The following NRXN3 variants were observed in gnomAD, a reference collection of about 807,000 sequenced individuals.
NRXN3 encodes neurexin III.
In NRXN3, 32 loss-of-function variants were observed where a neutral mutation model predicts 137.6. The observed-to-expected ratio is 0.23, with a 90% CI of 0.18 to 0.31. The LOEUF (loss-of-function observed/expected upper bound fraction) is 0.31. Among genes scored for constraint, NRXN3 ranks in the 10% least tolerant of loss-of-function variants. NRXN3 has a pLI of 1.00. For missense variants in NRXN3, 1,574 were observed against 2,062.5 expected, an observed-to-expected ratio of 0.76 and a Z score of 4.59; for synonymous variants, 798 against 784.5, an observed-to-expected ratio of 1.02 and a Z score of -0.29.
rs33953818 is a variant in NRXN3, at chr14:79,018,337, T to TA, written c.3262+30205dup. On this transcript the variant is annotated intron_variant, in intron 15 of 20. Coordinates refer to ENST00000335750, the MANE Select transcript of NRXN3 (RefSeq NM_001330195.2). ...GAGTGAAAGTTATAAATGAAAACAA[T>TA]AAAAAAAAATCCAAGAAACTCAAGG... 2.5e-4 allele frequency among the ~76,000 whole-genome samples: 28 copies of TA among 111,610 alleles called. No individual in the cohort carries two copies. The South Asian group carries it at 5.0e-3, about 20-fold the overall frequency. 73.2% of individuals were successfully genotyped at this position (111,610 alleles called of 152,430 possible). A position where few individuals can be genotyped will look rare whatever the true frequency, so the allele number is the denominator to read the frequency against.
Position 79,190,468 on chromosome 14 carries a change from G to T in NRXN3, c.3262+202327G>T, listed in dbSNP as rs1257810365. ...TTTCTAAATGCAGAATCAGCCACTG[G>T]TCATTTTTAATGGACACGTAGTGGT... On this transcript the variant is annotated intron_variant, in intron 15 of 20. Coordinates refer to ENST00000335750, the MANE Select transcript of NRXN3 (RefSeq NM_001330195.2). Among the ~76,000 whole-genome samples, 7 of 152,188 alleles carry T rather than the reference G, an allele frequency of 4.6e-5. 1 individual carries two copies. The East Asian group carries it at 1.4e-3, about 29-fold the overall frequency.
intron 15 of NRXN3, among the ~76,000 whole-genome samples, chr14:79,139,760 G>A (rs1249958642): frequency 6.6e-6 from 1 of 151,730 alleles, no homozygotes; most frequent in Non-Finnish European, 1.5e-5. Flanking sequence ...ACATAAATCT[G>A]ACTCACCTTC....
intron 10 of NRXN3, among the ~76,000 whole-genome samples, chr14:78,946,247 C>A (rs951048003): frequency 6.6e-6 from 1 of 152,118 alleles, no homozygotes; most frequent in African/African-American, 2.4e-5. Context: ...AATGTACCTT[C>A]CAAGGAAAGT....
chr14:79,789,484 A>C, intron 19 of NRXN3, among the ~76,000 whole-genome samples: 1 of 152,128 alleles, frequency 6.6e-6, no homozygotes, highest in East Asian at 1.9e-4. Context: ...TAAAGGAATA[A>C]AAGATTGGCT....
At chr14:78,440,110 G>T (rs1026843746) in intron 4 of NRXN3, among the ~76,000 whole-genome samples, 2 of 152,256 alleles carry the variant, frequency 1.3e-5, no homozygotes, top group African/African-American at 4.8e-5. Context: ...TGCTTTTATT[G>T]TTAAATAATA....
At chr14:78,421,127 G>C (rs924891174) in intron 4 of NRXN3, among the ~76,000 whole-genome samples, 3 of 152,110 alleles carry the variant, frequency 2.0e-5, no homozygotes, top group Non-Finnish European at 4.4e-5. Context: ...GCTGGGTGTG[G>C]TGGCATGTGC....
chr14:79,748,027 C>T (rs1206566780), intron 19 of NRXN3, among the ~76,000 whole-genome samples: 1 of 151,862 alleles, frequency 6.6e-6, no homozygotes. Context: ...AGGGGAATAA[C>T]ACACATTGGG....
At chr14:78,188,287 T>A (rs781449374) in intron 1 of NRXN3, among the ~76,000 whole-genome samples, 3 of 152,158 alleles carry the variant, frequency 2.0e-5, no homozygotes, top group Admixed American at 6.6e-5. Context: ...TTGATCAAGA[T>A]CCCACAGTGT....
chr14:78,243,280 C>A lies in NRXN3; in HGVS notation c.187C>A (p.Leu63Met), dbSNP rs1186202719. ...FQFKTNVSTG[L>M]LLYLDDGGVC... ...GTTCAAGACCAACGTCTCTACGGGG[C>A]TGCTCCTCTACCTGGATGATGGCGG... Residue 63 changes from leucine (L) to methionine (M), a missense_variant, in exon 2 of 21, where the codon CTG becomes ATG. Transcript: ENST00000335750. This position sits in a 1 kb window ranked among gnomAD's most constrained non-coding sequence, Gnocchi z 4.2. 1.3e-6 allele frequency: 2 copies of A among 1,561,798 alleles called. No homozygotes were observed. Among genetic ancestry groups the A allele is most frequent in the East Asian group, 4.7e-5 (2 of 42,868 alleles).
chr14:79,840,986 C>G (rs2099354708), intron 20 of NRXN3, among the ~76,000 whole-genome samples: 1 of 152,126 alleles, frequency 6.6e-6, no homozygotes, highest in Non-Finnish European at 1.5e-5. Context: ...TCAAAGCTTC[C>G]TCCCTTATCT....
intron 20 of NRXN3, among the ~76,000 whole-genome samples, chr14:79,821,674 T>TA (rs1449522082): frequency 1.3e-5 from 2 of 151,272 alleles, no homozygotes; most frequent in African/African-American, 4.9e-5. Flanking sequence ...AGACCTTTTT[T>TA]TTTTTTTTTT....
intron 6 of NRXN3, among the ~76,000 whole-genome samples, chr14:78,655,526 T>A (rs2097777777): frequency 1.3e-5 from 2 of 152,144 alleles, no homozygotes; most frequent in Non-Finnish European, 2.9e-5. Flanking sequence ...AATGATGACT[T>A]TGTTTTTTGC....
At chr14:79,550,121 C>T (rs1367830771) in intron 16 of NRXN3, among the ~76,000 whole-genome samples, 25 of 151,974 alleles carry the variant, frequency 1.6e-4, no homozygotes, top group Admixed American at 1.6e-3. Flanking sequence ...ATGCACACCC[C>T]ACCACACCAA....
intron 4 of NRXN3, among the ~76,000 whole-genome samples, chr14:78,584,229 T>C (rs1271627224): frequency 6.6e-6 from 1 of 152,118 alleles, no homozygotes; most frequent in Non-Finnish European, 1.5e-5. Context: ...TTTGTAGAGA[T>C]TGTTGAGATT....
At chr14:79,284,355 T>C (rs915331531) in intron 15 of NRXN3, among the ~76,000 whole-genome samples, 3 of 110,264 alleles carry the variant, frequency 2.7e-5, no homozygotes, top group African/African-American at 8.4e-5. Flanking sequence ...TATATATATA[T>C]ATATATATAT....
At chr14:78,922,976 C>T (rs1303412406) in intron 10 of NRXN3, among the ~76,000 whole-genome samples, 3 of 152,150 alleles carry the variant, frequency 2.0e-5, no homozygotes, top group Non-Finnish European at 4.4e-5. Flanking sequence ...GGTGCCTTCG[C>T]CTTGGGGGAA....
intron 19 of NRXN3, among the ~76,000 whole-genome samples, chr14:79,770,339 C>A (rs1173385968): frequency 1.3e-5 from 2 of 151,508 alleles, no homozygotes; most frequent in East Asian, 3.9e-4. Flanking sequence ...CAGCACCACA[C>A]CACACCTATT....
At chr14:78,830,771 A>C (rs2098979427) in intron 10 of NRXN3, among the ~76,000 whole-genome samples, 1 of 151,948 alleles carries the variant, frequency 6.6e-6, no homozygotes, top group African/African-American at 2.4e-5. Flanking sequence ...AGCAGCAAAT[A>C]TTGTAAGGGA....
chr14:78,696,524 C>A (rs1052189298), intron 6 of NRXN3, among the ~76,000 whole-genome samples: 4 of 152,138 alleles, frequency 2.6e-5, no homozygotes, highest in Admixed American at 6.5e-5. Flanking sequence ...CACACAGTAA[C>A]AAGTCGCAGA....
Sources: gnomAD v4.1 joint callset for allele counts (sites outside exome capture counted in the v4.1 genomes callset) on GRCh38, gnomAD v4.1.1 for gene constraint, Gnocchi (gnomAD v3.1) non-coding constraint, MANE v1.5 for transcripts, NCBI Gene and HGNC (gene_info 2026-07-23, HGNC 2026-07-21) for gene names.